TAF8: variants seen among roughly 807,000 people sequenced by gnomAD.
TAF8 encodes the protein transcription initiation factor TFIID subunit 8.
In TAF8, 47 loss-of-function variants were observed where a neutral mutation model predicts 36.5. The observed-to-expected ratio is 1.29, with a 90% CI of 1.02 to 1.64. TAF8 has a LOEUF of 1.64. Ranked by LOEUF, TAF8 falls within the 40% of genes most tolerant of loss-of-function variation. The pLI, the probability that TAF8 is intolerant of heterozygous loss-of-function variation, is 0.00. For synonymous variants in TAF8, 175 were observed against 159.5 expected (o/e 1.10, Z -0.73); for missense variants, 420 against 407.6 (o/e 1.03, Z -0.26).
Position 42,051,341 on chromosome 6 carries a change from C to G in TAF8, c.46-16C>G, listed in dbSNP as rs774300650. On this transcript the variant is annotated splice_polypyrimidine_tract_variant and intron_variant, in intron 1 of 8. Transcript: ENST00000372977. ...ATCCTTCTCCTGTGGATGAAAATCT[C>G]TCTGCTGATTCACAGAGATCGGGAA... The G allele has an allele frequency of 1.9e-6, 3 of 1,604,548 alleles. No homozygotes were observed. Among genetic ancestry groups the G allele is most frequent in the Non-Finnish European group, 2.6e-6 (3 of 1,172,220 alleles).
chr6:42,078,472 G>A lies in TAF8; in HGVS notation c.*927G>A, dbSNP rs550883592. ...CCTCATCTGGCCTCCCAAGTGCTCC[G>A]TTGAGCTGATGAAAAGTTCTTTGTA... On this transcript the variant is annotated 3_prime_UTR_variant, in exon 9 of 9. Coordinates refer to ENST00000372977, the MANE Select transcript of TAF8 (RefSeq NM_138572.3). 3.3e-5 allele frequency: 33 copies of A among 985,402 alleles called. No homozygotes were observed. In the African/African-American group the frequency reaches 4.5e-4, roughly 14 times the overall value. 61.0% of individuals were successfully genotyped at this position (985,402 alleles called of 1,614,324 possible). A position where few individuals can be genotyped will look rare whatever the true frequency, so the allele number is the denominator to read the frequency against.
At chr6:42,062,653 T>G (rs547607789) in intron 5 of TAF8, among the ~76,000 whole-genome samples, 18 of 147,022 alleles carry the variant, frequency 1.2e-4, no homozygotes, top group Admixed American at 4.2e-4. Flanking sequence ...TTCTCCTGCC[T>G]CAGCCTCCCA....
chr6:42,056,159 CTTTA>C (rs1764981354), intron 4 of TAF8, 145 bp downstream of exon 4: 1 of 622,682 alleles, frequency 1.6e-6, no homozygotes, highest in South Asian at 1.8e-5. Flanking sequence ...ACAATATAAT[CTTTA>C]TTTGGGCTAG....
intron 4 of TAF8, 61 bp from the exon 5 acceptor site, chr6:42,057,328 C>G: frequency 6.2e-7 from 1 of 1,611,774 alleles, no homozygotes; most frequent in South Asian, 1.1e-5. Flanking sequence ...TGGGGAGAGA[C>G]CATAATCTGT....
chr6:42,062,451 G>A (rs908336282), intron 5 of TAF8, among the ~76,000 whole-genome samples: 2 of 150,650 alleles, frequency 1.3e-5, no homozygotes, highest in South Asian at 2.1e-4. Flanking sequence ...ATTTTTACAC[G>A]ATCAACCCTT....
At chr6:42,084,180 C>CAAAAAA (rs35595303), downstream of TAF8, among the ~76,000 whole-genome samples, 1 of 63,418 alleles carries the variant, frequency 1.6e-5, no homozygotes, top group African/African-American at 5.4e-5. Context: ...GACTCTGTCT[C>CAAAAAA]AAAAAAAAAA....
chr6:42,051,408 C>G lies in TAF8; in HGVS notation c.97C>G (p.Arg33Gly). 6.2e-7 allele frequency: 1 copy of G among 1,614,064 alleles called. No individual in the cohort carries two copies. Among genetic ancestry groups the G allele is most frequent in the Non-Finnish European group, 8.5e-7 (1 of 1,180,002 alleles). ...TNPADNYHLA[R>G]RRTLQVVVSS... ...CCCTGCCGATAACTATCATCTGGCCCGGAGGAGAACCCTGCAGGTGGTTGT... is the reference window on the plus strand; with the variant it reads ...CCCTGCCGATAACTATCATCTGGCCGGGAGGAGAACCCTGCAGGTGGTTGT... Residue 33 changes from arginine to glycine, a missense_variant, in exon 2 of 9, where the codon CGG becomes GGG. By Grantham distance (125) the Arg-to-Gly change is moderately radical. Transcript: ENST00000372977.
intron 1 of TAF8, chr6:42,050,886 C>T: frequency 2.5e-6 from 3 of 1,192,458 alleles, no homozygotes; most frequent in Non-Finnish European, 3.1e-6. Context: ...GAAAGGCATT[C>T]CCGTTTCAAA....
intron 7 of TAF8, among the ~76,000 whole-genome samples, chr6:42,073,000 G>A (rs1765632921): frequency 6.6e-6 from 1 of 152,162 alleles, no homozygotes. Context: ...TGGGATTACA[G>A]GCGTGAGCCA....
At chr6:42,076,227 A>T (rs1344503845) in intron 7 of TAF8, among the ~76,000 whole-genome samples, 2 of 150,040 alleles carry the variant, frequency 1.3e-5, no homozygotes, top group Admixed American at 1.3e-4. Context: ...AATGAACAGT[A>T]AAAAACCCTG....
intron 3 of TAF8, among the ~76,000 whole-genome samples, 158 bp downstream of exon 3, chr6:42,055,787 A>G (rs1482358800): frequency 6.6e-6 from 1 of 152,156 alleles, no homozygotes. Context: ...GAACACATCT[A>G]AGAGGCCTCA....
intron 5 of TAF8, among the ~76,000 whole-genome samples, chr6:42,065,606 G>A (rs1254721674): frequency 6.6e-6 from 1 of 152,110 alleles, no homozygotes; most frequent in Non-Finnish European, 1.5e-5. Flanking sequence ...CACATAGGCA[G>A]CCACTCCCAT....
rs1765929193 is a variant in TAF8 at position 42,081,629 on chromosome 6, A to T, written c.*4084A>T. ...CATGATCCGCCCGCCTCGGCCTCCC[A>T]AAGTGCTGGGATTACAGGCATGAGC... On this transcript the variant is annotated 3_prime_UTR_variant, in exon 9 of 9. Coordinates refer to ENST00000372977, the MANE Select transcript of TAF8 (RefSeq NM_138572.3). The T allele has an allele frequency of 6.6e-6, 1 of 152,286 alleles. No homozygotes were observed. The highest frequency in any genetic ancestry group is 2.4e-5 in the African/African-American group (1 of 41,530). 9.4% of individuals were successfully genotyped at this position (152,286 alleles called of 1,614,324 possible).
In TAF8 at chr6:42,077,788, C is replaced by T. The variant is rs930571424; in HGVS notation, c.*243C>T. 6.0e-6 allele frequency: 8 copies of T among 1,331,722 alleles called. No individual in the cohort carries two copies. In the African/African-American group the frequency reaches 1.0e-4, roughly 17 times the overall value. The allele number at this position is 1,331,722 out of a possible 1,614,324, so 82.5% of individuals were successfully genotyped here. A position where few individuals can be genotyped will look rare whatever the true frequency, so the allele number is the denominator to read the frequency against. On this transcript the variant is annotated 3_prime_UTR_variant, in exon 9 of 9. Coordinates refer to ENST00000372977, the MANE Select transcript of TAF8 (RefSeq NM_138572.3). ...TTTTTTATTTTGAGATGGAGTCTTA[C>T]TCTATCACCCAGGCTGGAATGCAGT...
At chr6:42,058,304 T>G (rs1198041492) in intron 5 of TAF8, among the ~76,000 whole-genome samples, 1 of 152,100 alleles carries the variant, frequency 6.6e-6, no homozygotes, top group Admixed American at 6.5e-5. Context: ...GAATCTAACC[T>G]GGGAGACAGA....
intron 1 of TAF8, 146 bp from the exon 2 acceptor site, chr6:42,051,211 T>C: frequency 1.1e-5 from 14 of 1,285,554 alleles, no homozygotes; most frequent in Non-Finnish European, 1.4e-5. Context: ...TTTACTCAGT[T>C]GGCCAAGATC....
chr6:42,085,167 T>A (rs924531890), downstream of TAF8, among the ~76,000 whole-genome samples: 1 of 152,232 alleles, frequency 6.6e-6, no homozygotes, highest in Non-Finnish European at 1.5e-5. Flanking sequence ...CTGCACTTGC[T>A]TCTTTCCCCA....
In TAF8 at chr6:42,055,973, C is replaced by G. The variant is rs762921654; in HGVS notation, c.323C>G (p.Pro108Arg). 1 of 1,613,384 alleles carries G rather than the reference C, an allele frequency of 6.2e-7. No homozygotes were observed. The change falls in exon 4 of 9, where the codon CCT (proline) becomes CGT (arginine). Residue 108 changes from proline to arginine, a missense_variant. Physicochemically the swap from Pro to Arg is moderately radical, Grantham distance 103. Transcript: ENST00000372977. Reference protein sequence around the residue: ...VEMGFNVDTLPAYAKRSQRMV... With the variant: ...VEMGFNVDTLRAYAKRSQRMV... ...TTAGGTTTCAATGTGGACACTCTCC[C>G]TGCTTATGCAAAACGGTCTCAGAGG...
At chr6:42,057,776 G>A (rs1256152321) in intron 5 of TAF8, 116 of 335,864 alleles carry the variant, frequency 3.5e-4, no homozygotes, top group South Asian at 6.0e-4. Flanking sequence ...AATAAATAAA[G>A]AAAAAAAAAA....
Sources: allele counts gnomAD v4.1 joint callset (sites outside exome capture counted in the v4.1 genomes callset), GRCh38; gene constraint gnomAD v4.1.1; transcripts MANE v1.5; gene names NCBI Gene and HGNC (gene_info 2026-07-23, HGNC 2026-07-21).